The following DGKB variants were observed in gnomAD, a reference collection of about 807,000 sequenced individuals.
The protein encoded by DGKB is diacylglycerol kinase beta.
In DGKB, 67 loss-of-function variants were observed where a neutral mutation model predicts 114.3. That is an observed-to-expected ratio of 0.59 (90% confidence interval 0.48 to 0.72). The LOEUF is 0.72. Ranked by LOEUF, DGKB falls within the 30% of genes least tolerant of loss-of-function variation. The pLI, the probability that DGKB is intolerant of heterozygous loss-of-function variation, is 0.00. For synonymous variants in DGKB, 398 were observed against 323.1 expected (o/e 1.23, Z -2.49); for missense variants, 907 against 975.2 (o/e 0.93, Z 0.93).
chr7:14,858,201 A>T lies in DGKB; in HGVS notation c.-187-16751T>A, dbSNP rs530532789. On this transcript the variant is annotated intron_variant, in intron 1 of 25. Coordinates refer to ENST00000402815, the MANE Select transcript of DGKB (RefSeq NM_001350709.2). Reference sequence around the variant, plus strand: ...AATTTTAGGGCTTCTCTTTTGCTTTAAATTGCCACAATACAATGCTGCTTC... The same window carrying T: ...AATTTTAGGGCTTCTCTTTTGCTTTTAATTGCCACAATACAATGCTGCTTC... 3.6e-3 allele frequency among the ~76,000 whole-genome samples: 544 copies of T among 152,278 alleles called. 3 individuals carry two copies. The highest frequency in any genetic ancestry group is 0.012 in the African/African-American group (515 of 41,560).
At chr7:14,954,063 G>A (rs1435895635) in intron 1 of DGKB, among the ~76,000 whole-genome samples, 2 of 152,012 alleles carry the variant, frequency 1.3e-5, no homozygotes, top group Admixed American at 6.6e-5. Context: ...ACTTTATTAG[G>A]GGATCAAAGA....
At chr7:14,894,790 T>A (rs1338106952) in intron 1 of DGKB, among the ~76,000 whole-genome samples, 1 of 151,632 alleles carries the variant, frequency 6.6e-6, no homozygotes, top group Non-Finnish European at 1.5e-5. Flanking sequence ...TTTCAGAATA[T>A]GTGGTCTAGT....
At chr7:14,364,175 A>T (rs1816246774) in intron 21 of DGKB, among the ~76,000 whole-genome samples, 1 of 152,018 alleles carries the variant, frequency 6.6e-6, no homozygotes, top group Non-Finnish European at 1.5e-5. Context: ...ATTTCCAATA[A>T]AAAAAACAAC....
At chr7:14,911,333 A>G (rs1245804749) in intron 1 of DGKB, among the ~76,000 whole-genome samples, 2 of 151,978 alleles carry the variant, frequency 1.3e-5, no homozygotes. Flanking sequence ...ATCTTAAGTT[A>G]TTTCATATTC....
At chr7:14,812,080 G>C (rs1172063078) in intron 2 of DGKB, among the ~76,000 whole-genome samples, 1 of 151,918 alleles carries the variant, frequency 6.6e-6, no homozygotes, top group Non-Finnish European at 1.5e-5. Context: ...CTTAGCATAA[G>C]GTCATCAAGC....
chr7:14,165,792 A>G (rs1186141665), intron 25 of DGKB, among the ~76,000 whole-genome samples: 1 of 152,190 alleles, frequency 6.6e-6, no homozygotes, highest in Non-Finnish European at 1.5e-5. Flanking sequence ...TTGCTTCTTC[A>G]CGTAGATGCC....
intron 23 of DGKB, among the ~76,000 whole-genome samples, chr7:14,265,618 CTAA>C (rs1797396346): frequency 6.6e-6 from 1 of 151,964 alleles, no homozygotes; most frequent in Admixed American, 6.6e-5. Context: ...CATCCTTGCT[CTAA>C]TAATTACATT....
At chr7:14,327,848 A>C (rs1254844881) in intron 23 of DGKB, among the ~76,000 whole-genome samples, 1 of 152,146 alleles carries the variant, frequency 6.6e-6, no homozygotes, top group Non-Finnish European at 1.5e-5. Context: ...TGATTAATAC[A>C]TTATTTCATT....
chr7:14,584,443 T>C, intron 17 of DGKB, among the ~76,000 whole-genome samples: 1 of 152,164 alleles, frequency 6.6e-6, no homozygotes, highest in Non-Finnish European at 1.5e-5. Context: ...ATTCATTTCC[T>C]TGCAACCACA....
intron 2 of DGKB, chr7:14,815,118 C>A (rs1278608987): frequency 6.6e-6 from 1 of 152,122 alleles, no homozygotes; most frequent in Non-Finnish European, 1.5e-5. Context: ...ACATGTTCCA[C>A]TTTGTTTTTA....
chr7:14,919,055 A>G (rs1168862979), intron 1 of DGKB, among the ~76,000 whole-genome samples: 2 of 97,402 alleles, frequency 2.1e-5, no homozygotes, highest in East Asian at 8.1e-4. Flanking sequence ...GTGAGACTCC[A>G]CCACACGCAC....
intron 23 of DGKB, among the ~76,000 whole-genome samples, chr7:14,198,412 G>A (rs371780534): frequency 5.9e-5 from 9 of 151,932 alleles, no homozygotes; most frequent in Admixed American, 2.6e-4. Context: ...GACCCAAGAC[G>A]TTACTATCCA....
intron 21 of DGKB, among the ~76,000 whole-genome samples, chr7:14,423,874 A>C (rs1374724279): frequency 2.0e-5 from 3 of 152,026 alleles, no homozygotes; most frequent in African/African-American, 7.2e-5. Flanking sequence ...TGGTAACTCT[A>C]TTCTTGTAGT....
At chr7:14,745,974 C>G (rs1833227675) in intron 4 of DGKB, among the ~76,000 whole-genome samples, 1 of 152,196 alleles carries the variant, frequency 6.6e-6, no homozygotes, top group African/African-American at 2.4e-5. Flanking sequence ...ATAGTTCTCT[C>G]TGGCTCAGCA....
intron 20 of DGKB, among the ~76,000 whole-genome samples, chr7:14,547,144 G>GT (rs1215721863): frequency 6.6e-6 from 1 of 152,020 alleles, no homozygotes; most frequent in Non-Finnish European, 1.5e-5. Context: ...TTTCTTTTGA[G>GT]TTTTTTTATA....
chr7:14,831,541 T>A (rs1311707568), intron 2 of DGKB, among the ~76,000 whole-genome samples: 2 of 152,042 alleles, frequency 1.3e-5, no homozygotes, highest in Non-Finnish European at 2.9e-5. Context: ...GACACAACTC[T>A]CTGCTTGTGC....
At chr7:14,338,852 TA>T (rs2128576275) in intron 22 of DGKB, 142 bp from the exon 23 acceptor site, 1 of 487,690 alleles carries the variant, frequency 2.1e-6, no homozygotes, top group South Asian at 5.7e-5. Flanking sequence ...CAAGAACACT[TA>T]AACACTTACC....
intron 1 of DGKB, among the ~76,000 whole-genome samples, chr7:14,877,210 T>C (rs928209427): frequency 2.0e-5 from 3 of 152,196 alleles, no homozygotes; most frequent in Non-Finnish European, 4.4e-5. Flanking sequence ...TATTATACGA[T>C]TGCTGAGAGC....
At chr7:14,159,724 C>T (rs1783571454) in intron 25 of DGKB, among the ~76,000 whole-genome samples, 2 of 152,280 alleles carry the variant, frequency 1.3e-5, no homozygotes, top group Middle Eastern at 3.4e-3. Flanking sequence ...GGATGGAGTG[C>T]AGTGGCGCCA....
Sources: gnomAD v4.1 joint callset for allele counts (sites outside exome capture counted in the v4.1 genomes callset) on GRCh38, gnomAD v4.1.1 for gene constraint, MANE v1.5 for transcripts, NCBI Gene and HGNC (gene_info 2026-07-23, HGNC 2026-07-21) for gene names.